MAP3K7CL: variants seen among roughly 807,000 people sequenced by gnomAD.
The protein encoded by MAP3K7CL is MAP3K7 C-terminal-like protein.
MAP3K7CL carries 16 observed loss-of-function variants against 18.6 expected under a neutral mutation model. The observed-to-expected ratio is 0.86, with a 90% CI of 0.58 to 1.31. The LOEUF is 1.31. Ranked by LOEUF, MAP3K7CL falls within the 50% of genes most tolerant of loss-of-function variation. The pLI is 0.00. For missense variants in MAP3K7CL, 163 were observed against 174.4 expected (o/e 0.93, Z 0.37); for synonymous variants, 65 against 66.8 (o/e 0.97, Z 0.13).
At chr21:29,140,041 G>A (rs970399901) in intron 2 of MAP3K7CL, among the ~76,000 whole-genome samples, 1 of 151,358 alleles carries the variant, frequency 6.6e-6, no homozygotes, top group African/African-American at 2.4e-5. Context: ...GAACTCTCTC[G>A]AATCACCTTC....
At chr21:29,106,674 C>G (rs1415093186) in intron 4 of MAP3K7CL, among the ~76,000 whole-genome samples, 1 of 152,160 alleles carries the variant, frequency 6.6e-6, no homozygotes, top group Non-Finnish European at 1.5e-5. Context: ...AGAATTGAGT[C>G]ACTGCTGCCA....
chr21:29,125,763 C>G (rs553925170), upstream of MAP3K7CL, among the ~76,000 whole-genome samples: 2 of 152,202 alleles, frequency 1.3e-5, no homozygotes, highest in Non-Finnish European at 2.9e-5. Flanking sequence ...AGAAGGCTTC[C>G]TGGGAAACCT....
At chr21:29,094,685 T>C (rs550962133) in intron 4 of MAP3K7CL, among the ~76,000 whole-genome samples, 1 of 152,288 alleles carries the variant, frequency 6.6e-6, no homozygotes, top group East Asian at 1.9e-4. Flanking sequence ...GCAAGCTCCA[T>C]GGAAGGAAGA....
intron 4 of MAP3K7CL, among the ~76,000 whole-genome samples, chr21:29,099,283 T>C (rs2086178810): frequency 6.7e-6 from 1 of 148,414 alleles, no homozygotes; most frequent in Admixed American, 6.7e-5. Context: ...TTTTTTTTTT[T>C]TTGTAGAGAC....
intron 4 of MAP3K7CL, among the ~76,000 whole-genome samples, chr21:29,105,598 T>TG (rs1296749196): frequency 6.6e-6 from 1 of 152,068 alleles, no homozygotes; most frequent in East Asian, 1.9e-4. Context: ...TTCCAGGCAG[T>TG]GGGAAAAAAC....
chr21:29,133,311 A>G lies in MAP3K7CL; in HGVS notation c.-34A>G. 6.5e-7 allele frequency: 1 copy of G among 1,550,122 alleles called. No individual in the cohort carries two copies. Among genetic ancestry groups the G allele is most frequent in the East Asian group, 2.4e-5 (1 of 40,906 alleles). On this transcript the variant is annotated 5_prime_UTR_variant, in exon 2 of 5. Coordinates refer to ENST00000399928, the MANE Select transcript of MAP3K7CL (RefSeq NM_001286620.2). ...GCTCTCTCTTGCTGTCACAGCTGGA[A>G]GACCCAGGAGAAGGCGGAGGCTCAG... is the stretch of plus-strand genomic sequence containing the variant.
intron 4 of MAP3K7CL, among the ~76,000 whole-genome samples, chr21:29,103,043 T>C (rs931771166): frequency 2.6e-5 from 4 of 152,234 alleles, no homozygotes; most frequent in Non-Finnish European, 2.9e-5. Flanking sequence ...CCCAGATTCT[T>C]GACCCATAGA....
At chr21:29,139,880 A>G (rs2086966620) in intron 2 of MAP3K7CL, among the ~76,000 whole-genome samples, 1 of 136,388 alleles carries the variant, frequency 7.3e-6, no homozygotes. Context: ...CACGACGCCC[A>G]GGCCCCATCT....
intron 2 of MAP3K7CL, among the ~76,000 whole-genome samples, chr21:29,141,796 T>C (rs2087014774): frequency 6.6e-6 from 1 of 152,128 alleles, no homozygotes; most frequent in African/African-American, 2.4e-5. Flanking sequence ...ATAATTCACA[T>C]CTCTAGTGTT....
intron 3 of MAP3K7CL, among the ~76,000 whole-genome samples, chr21:29,151,643 T>C (rs2087278172): frequency 6.6e-6 from 1 of 152,168 alleles, no homozygotes; most frequent in South Asian, 2.1e-4. Context: ...ATTTTGAAAA[T>C]AAAACACTAA....
At chr21:29,156,561 C>G (rs992234478) in intron 3 of MAP3K7CL, among the ~76,000 whole-genome samples, 7 of 152,168 alleles carry the variant, frequency 4.6e-5, no homozygotes, top group African/African-American at 1.7e-4. Flanking sequence ...CATATATTGT[C>G]TCTTATTTTG....
At chr21:29,159,490 C>T (rs1448311245) in intron 3 of MAP3K7CL, among the ~76,000 whole-genome samples, 2 of 152,182 alleles carry the variant, frequency 1.3e-5, no homozygotes, top group Non-Finnish European at 2.9e-5. Flanking sequence ...TTCTTCTCTA[C>T]TCTGCAAGAT....
At chr21:29,114,416 G>A (rs62222402) in intron 4 of MAP3K7CL, among the ~76,000 whole-genome samples, 4,467 of 143,098 alleles carry the variant, frequency 0.031, 103 homozygotes, top group Middle Eastern at 0.13. Flanking sequence ...TTTGAGACAG[G>A]GCCTTGCTCT....
chr21:29,150,345 C>G (rs77556532), intron 3 of MAP3K7CL, among the ~76,000 whole-genome samples: 1 of 152,312 alleles, frequency 6.6e-6, no homozygotes, highest in East Asian at 1.9e-4. Flanking sequence ...GTTTGAAGAG[C>G]TGGTGTTCTA....
intron 2 of MAP3K7CL, among the ~76,000 whole-genome samples, chr21:29,143,270 G>A (rs1052449952): frequency 6.6e-6 from 1 of 152,162 alleles, no homozygotes; most frequent in Non-Finnish European, 1.5e-5. Context: ...CATGAAGCCA[G>A]CTGTAACTGC....
intron 1 of MAP3K7CL, among the ~76,000 whole-genome samples, chr21:29,079,989 A>G (rs940991647): frequency 1.3e-5 from 2 of 152,204 alleles, no homozygotes; most frequent in Admixed American, 6.5e-5. Context: ...AGCTGGTTAG[A>G]TTAATGGGAA....
At chr21:29,134,840 G>A (rs1016724020) in intron 2 of MAP3K7CL, among the ~76,000 whole-genome samples, 1 of 152,186 alleles carries the variant, frequency 6.6e-6, no homozygotes, top group Non-Finnish European at 1.5e-5. Flanking sequence ...ACGAGGTCAG[G>A]AGATTGAGAC....
intron 4 of MAP3K7CL, chr21:29,109,663 C>G (rs771457574): frequency 3.5e-5 from 35 of 987,648 alleles, no homozygotes; most frequent in Admixed American, 6.0e-5. Context: ...GATAATTACT[C>G]TGCATTTAGG....
chr21:29,106,519 A>G (rs1026752875), intron 4 of MAP3K7CL, among the ~76,000 whole-genome samples: 4 of 152,172 alleles, frequency 2.6e-5, no homozygotes, highest in Non-Finnish European at 4.4e-5. Flanking sequence ...AGCATTGCTG[A>G]GCTGGGTTTT....
Sources: allele counts gnomAD v4.1 joint callset (sites outside exome capture counted in the v4.1 genomes callset), GRCh38; gene constraint gnomAD v4.1.1; transcripts MANE v1.5; gene names NCBI Gene and HGNC (gene_info 2026-07-23, HGNC 2026-07-21).